The following WDR20 variants were observed in gnomAD, a reference collection of about 807,000 sequenced individuals.
The protein encoded by WDR20 is WD repeat-containing protein 20.
In WDR20, 3 loss-of-function variants were observed where a neutral mutation model predicts 38.7. The observed-to-expected ratio is 0.08, with a 90% confidence interval of 0.04 to 0.20. The LOEUF (loss-of-function observed/expected upper bound fraction) is 0.20, where lower values mean the gene tolerates loss of function less well. WDR20 is among the 10% of genes least tolerant of loss of function. The pLI is 1.00. For missense variants in WDR20, 559 were observed against 727.7 expected, an observed-to-expected ratio of 0.77 and a Z score of 2.67; for synonymous variants, 298 against 285.6, an observed-to-expected ratio of 1.04 and a Z score of -0.44.
chr14:102,213,517 A>C (rs533537688), downstream of WDR20: 1 of 985,430 alleles, frequency 1.0e-6, no homozygotes, highest in African/African-American at 1.7e-5. Flanking sequence ...TATCACAATC[A>C]TTCTTTTCTC....
intron 1 of WDR20, among the ~76,000 whole-genome samples, chr14:102,148,566 C>T (rs1302330935): frequency 1.3e-5 from 2 of 151,366 alleles, no homozygotes; most frequent in Admixed American, 1.3e-4. Flanking sequence ...TCATAATCCT[C>T]ATTCATCAAG....
rs1022336948 is a variant in WDR20, at chr14:102,163,558, G to A, written c.249+23386G>A. Reference sequence around the variant, plus strand: ...CAGGAGAATTGCTGGAACCCAGTGGGCAGAGGCTACAGTGAGCCAAGATTG... The same window carrying A: ...CAGGAGAATTGCTGGAACCCAGTGGACAGAGGCTACAGTGAGCCAAGATTG... On this transcript the variant is annotated intron_variant, in intron 1 of 2. Coordinates refer to ENST00000342702, the MANE Select transcript of WDR20 (RefSeq NM_144574.4). Among the ~76,000 whole-genome samples, 11 of 147,014 alleles carry A rather than the reference G, an allele frequency of 7.5e-5. No individual in the cohort carries two copies. The East Asian group carries it at 2.2e-3, about 29-fold the overall frequency.
chr14:102,175,262 A>G (rs540835872), intron 1 of WDR20, among the ~76,000 whole-genome samples: 1 of 152,276 alleles, frequency 6.6e-6, no homozygotes, highest in South Asian at 2.1e-4. Flanking sequence ...TTATTCTTCT[A>G]CATGTGGCTT....
intron 1 of WDR20, among the ~76,000 whole-genome samples, chr14:102,143,398 A>G (rs139867993): frequency 6.7e-4 from 102 of 152,170 alleles, no homozygotes; most frequent in African/African-American, 2.4e-3. Flanking sequence ...CAGTATTAAC[A>G]TTGATTTAAT....
chr14:102,176,132 C>T (rs1039384095), intron 1 of WDR20, among the ~76,000 whole-genome samples: 1 of 152,178 alleles, frequency 6.6e-6, no homozygotes, highest in Non-Finnish European at 1.5e-5. Flanking sequence ...CGGTGGCTCA[C>T]GCCTGTAATC....
chr14:102,188,894 A>T (rs2065571923), intron 1 of WDR20, among the ~76,000 whole-genome samples: 3 of 140,788 alleles, frequency 2.1e-5, no homozygotes, highest in South Asian at 2.2e-4. Flanking sequence ...AAAAAAAAAA[A>T]ATTCCAGAGA....
chr14:102,210,397 G>C lies in WDR20; in HGVS notation c.*517G>C. ...TTTAACTTTAGGAACAAAACGTTTA[G>C]CAGGGTTGATTGATATTATTTTTAC... is the stretch of plus-strand genomic sequence containing the variant. On this transcript the variant is annotated 3_prime_UTR_variant, in exon 3 of 3. Coordinates refer to ENST00000342702, the MANE Select transcript of WDR20 (RefSeq NM_144574.4). 1.0e-6 allele frequency: 1 copy of C among 985,424 alleles called. No individual in the cohort carries two copies. The highest frequency in any genetic ancestry group is 1.7e-5 in the African/African-American group (1 of 57,344). The allele number at this position is 985,424 out of a possible 1,614,324, so 61.0% of individuals were successfully genotyped here.
At chr14:102,157,822 C>T (rs1566839848) in intron 1 of WDR20, among the ~76,000 whole-genome samples, 1 of 152,084 alleles carries the variant, frequency 6.6e-6, no homozygotes, top group Non-Finnish European at 1.5e-5. Context: ...GTAGGATTAT[C>T]TTCCTTAGTG....
intron 1 of WDR20, among the ~76,000 whole-genome samples, chr14:102,169,148 G>T (rs991068664): frequency 6.6e-6 from 1 of 150,824 alleles, no homozygotes; most frequent in Admixed American, 6.6e-5. Flanking sequence ...CGTCCCACCC[G>T]TGGAGCCAAT....
intron 1 of WDR20, among the ~76,000 whole-genome samples, chr14:102,151,878 T>C (rs191568769): frequency 6.6e-6 from 1 of 151,904 alleles, no homozygotes. Flanking sequence ...TAGCTGAGTC[T>C]ATAGGAGCAT....
downstream of WDR20, among the ~76,000 whole-genome samples, chr14:102,216,695 C>T (rs983732787): frequency 3.9e-5 from 6 of 152,244 alleles, no homozygotes; most frequent in South Asian, 4.1e-4. Flanking sequence ...TTTGGGAGGC[C>T]GAGGCGGGTG....
At chr14:102,185,507 G>A (rs934993719) in intron 1 of WDR20, among the ~76,000 whole-genome samples, 6 of 152,066 alleles carry the variant, frequency 3.9e-5, no homozygotes, top group Non-Finnish European at 7.3e-5. Context: ...GAAGGCACAC[G>A]GGCTGGAATT....
chr14:102,212,412 G>A, downstream of WDR20: 1 of 1,249,488 alleles, frequency 8.0e-7, no homozygotes, highest in Non-Finnish European at 1.1e-6. Flanking sequence ...GGCTGCCTTT[G>A]ACTGCATGTC....
At chr14:102,156,786 A>G (rs1311209213) in intron 1 of WDR20, among the ~76,000 whole-genome samples, 1 of 151,726 alleles carries the variant, frequency 6.6e-6, no homozygotes, top group Non-Finnish European at 1.5e-5. Context: ...TATCTGAGGC[A>G]GGAATTCGAG....
At chr14:102,139,725 G>C, upstream of WDR20, 1 of 808,688 alleles carries the variant, frequency 1.2e-6, no homozygotes, top group South Asian at 1.8e-5. Flanking sequence ...GGTGGAGCAC[G>C]CCAGGTGAGC....
chr14:102,207,120 A>G lies in WDR20; in HGVS notation c.433-1483A>G, dbSNP rs999365076. On this transcript the variant is annotated intron_variant, in intron 2 of 2. Transcript: ENST00000342702. The surrounding 1 kb of genome is among the most constrained non-coding windows in gnomAD (Gnocchi z 5.0). ...TGGCTTGCCACGTGCCTATTAATTTAAGAGGACCAGCCATGCCGTTTTACG... is the reference window on the plus strand; with the variant it reads ...TGGCTTGCCACGTGCCTATTAATTTGAGAGGACCAGCCATGCCGTTTTACG... 5.9e-5 allele frequency among the ~76,000 whole-genome samples: 9 copies of G among 152,318 alleles called. No individual in the cohort carries two copies. Among genetic ancestry groups the G allele is most frequent in the African/African-American group, 2.2e-4 (9 of 41,568 alleles).
chr14:102,142,615 A>T (rs2051738319), intron 1 of WDR20, among the ~76,000 whole-genome samples: 1 of 151,538 alleles, frequency 6.6e-6, no homozygotes, highest in Non-Finnish European at 1.5e-5. Context: ...CACCCTGGCT[A>T]ATTAAAAAAA....
chr14:102,140,061 C>T lies in WDR20; in HGVS notation c.138C>T (p.Asn46=), dbSNP rs149607593. Residue 46 remains asparagine, a synonymous_variant, in exon 1 of 3, where the codon AAC becomes AAT. Coordinates refer to ENST00000342702, the MANE Select transcript of WDR20 (RefSeq NM_144574.4). ...NRVPFNSQGS[N]PVRVSFVNLN... ...TGCCCTTCAACTCGCAGGGATCCAA[C>T]CCTGTCCGCGTCTCCTTCGTAAACC... is the stretch of plus-strand genomic sequence containing the variant. The T allele has an allele frequency of 2.5e-6, 4 of 1,614,124 alleles. No individual in the cohort carries two copies. In the African/African-American group the frequency reaches 5.3e-5, roughly 22 times the overall value.
In WDR20 at chr14:102,147,037, T is replaced by C. The variant is rs569711279; in HGVS notation, c.249+6865T>C. Among the ~76,000 whole-genome samples the C allele has an allele frequency of 9.9e-5, 15 of 152,266 alleles. No homozygotes were observed. In the South Asian group the frequency reaches 3.1e-3, roughly 32 times the overall value. On this transcript the variant is annotated intron_variant, in intron 1 of 2. Transcript: ENST00000342702. ...ATACTGAGGGGAAAGCATCTTAATG[T>C]ATCATTTAAAGCAGGAGATACTTTC...
Sources: gnomAD v4.1 joint callset for allele counts (sites outside exome capture counted in the v4.1 genomes callset) on GRCh38, gnomAD v4.1.1 for gene constraint, Gnocchi (gnomAD v3.1) non-coding constraint, MANE v1.5 for transcripts, NCBI Gene and HGNC (gene_info 2026-07-23, HGNC 2026-07-21) for gene names.